KIF24: variants seen among roughly 807,000 people sequenced by gnomAD.
KIF24 encodes kinesin-like protein KIF24.
Under a neutral mutation model 118.9 loss-of-function variants are expected in KIF24, and 81 were observed. The observed-to-expected ratio is 0.68, with a 90% confidence interval of 0.57 to 0.82. KIF24 has a LOEUF of 0.82. Ranked by LOEUF, KIF24 falls within the 40% of genes least tolerant of loss-of-function variation. The pLI is 0.00. For synonymous variants in KIF24, 599 were observed against 610.0 expected, an observed-to-expected ratio of 0.98 and a Z score of 0.27; for missense variants, 1,560 against 1,661.6, an observed-to-expected ratio of 0.94 and a Z score of 1.06.
chr9:34,324,537 C>T (rs1391752483), intron 1 of KIF24, among the ~76,000 whole-genome samples: 12 of 152,208 alleles, frequency 7.9e-5, no homozygotes. Flanking sequence ...TTACACGTCT[C>T]ATACCTGTTC....
At chr9:34,307,241 T>C (rs1836960158) in intron 2 of KIF24, among the ~76,000 whole-genome samples, 1 of 152,122 alleles carries the variant, frequency 6.6e-6, no homozygotes, top group Non-Finnish European at 1.5e-5. Context: ...ATTTTTGTAA[T>C]TTTTGTAGGG....
At chr9:34,313,049 T>C (rs1163685007) in intron 1 of KIF24, among the ~76,000 whole-genome samples, 2 of 152,232 alleles carry the variant, frequency 1.3e-5, no homozygotes, top group African/African-American at 2.4e-5. Context: ...CAAAAATTTT[T>C]TGCAGGTCCT....
chr9:34,270,502 C>CGA (rs1217371928), intron 7 of KIF24, among the ~76,000 whole-genome samples: 3 of 138,236 alleles, frequency 2.2e-5, no homozygotes, highest in Non-Finnish European at 1.5e-5. Flanking sequence ...GGCAATAGAG[C>CGA]GAGACTCCGT....
rs562092343 is a variant in KIF24 at position 34,297,358 on chromosome 9, G to T, written c.814-244C>A. 5.9e-5 allele frequency among the ~76,000 whole-genome samples: 9 copies of T among 152,338 alleles called. No individual in the cohort carries two copies. In the South Asian group the frequency reaches 1.9e-3, roughly 32 times the overall value. On this transcript the variant is annotated intron_variant, in intron 3 of 12. Coordinates refer to ENST00000402558, the MANE Select transcript of KIF24 (RefSeq NM_194313.4). ...CATTTTTTGTTTTCTCTTAAGAGAA[G>T]TAAATTGATAAACACAAGAGTGAGT...
Position 34,286,844 on chromosome 9 carries a change from A to AC in KIF24, c.1128-141dup. 4.7e-6 allele frequency: 3 copies of AC among 638,658 alleles called. No homozygotes were observed. The South Asian group carries it at 5.5e-5, about 12-fold the overall frequency. 39.6% of individuals were successfully genotyped at this position (638,658 alleles called of 1,614,324 possible). On this transcript the variant is annotated intron_variant, in intron 5 of 12. Coordinates refer to ENST00000402558, the MANE Select transcript of KIF24 (RefSeq NM_194313.4). ...GGGATGGATGCTTATCCTCCTCCCA[A>AC]CCCCACCCTCCTGACCTCAGCCCGA...
chr9:34,262,373 C>A (rs1405547655), intron 9 of KIF24, among the ~76,000 whole-genome samples: 1 of 152,016 alleles, frequency 6.6e-6, no homozygotes, highest in Non-Finnish European at 1.5e-5. Context: ...CTGAGTATCC[C>A]TTCTCCGAAA....
At chr9:34,313,505 A>C (rs1587968958) in intron 1 of KIF24, among the ~76,000 whole-genome samples, 1 of 115,328 alleles carries the variant, frequency 8.7e-6, no homozygotes, top group Admixed American at 9.1e-5. Flanking sequence ...TATTATTATT[A>C]TTTTTAGAGA....
At chr9:34,314,722 C>T (rs1397987368) in intron 1 of KIF24, among the ~76,000 whole-genome samples, 2 of 152,106 alleles carry the variant, frequency 1.3e-5, no homozygotes, top group Non-Finnish European at 2.9e-5. Context: ...TACAAAATGA[C>T]GTTAACTATA....
At chr9:34,271,236 T>C (rs981155142) in intron 7 of KIF24, among the ~76,000 whole-genome samples, 1 of 151,094 alleles carries the variant, frequency 6.6e-6, no homozygotes, top group Admixed American at 6.6e-5. Flanking sequence ...AATAAAACAT[T>C]CTTCCCAAAA....
rs980374453 is a variant in KIF24, at chr9:34,252,715, G to GTCTT, written c.*1661_*1664dup. The GTCTT allele has an allele frequency of 3.5e-4, 54 of 152,292 alleles. No homozygotes were observed. The highest frequency in any genetic ancestry group is 1.2e-3 in the African/African-American group (51 of 41,550). 9.4% of individuals were successfully genotyped at this position (152,292 alleles called of 1,614,324 possible). ...GTTTGCAAAGGCAAGCCTAGACTGA[G>GTCTT]TCTTTTAAACCTGGCCCAGCTCCGT... On this transcript the variant is annotated 3_prime_UTR_variant, in exon 13 of 13. Transcript: ENST00000402558.
In KIF24 at chr9:34,255,739, C is replaced by T; in HGVS notation, c.3868G>A (p.Ala1290Thr). The change falls in exon 11 of 13, where the codon GCG becomes ACG. Residue 1290 changes from alanine (A) to threonine (T), a missense_variant. This residue lies in a region of KIF24 where 591 missense variants were observed against 655.6 expected (regional missense o/e 0.90). Coordinates refer to ENST00000402558, the MANE Select transcript of KIF24 (RefSeq NM_194313.4). ...TAGGGAAAGTGTCCAACTTACTGCG[C>T]TTGCTCCAGGGTGGGCTGACGGAGT... is the stretch of plus-strand genomic sequence containing the variant. ...GTLRQPTLEQ[A>T]QQVVIRAHQE... is the part of the protein sequence containing the mutation. 1 of 1,608,480 alleles carries T rather than the reference C, an allele frequency of 6.2e-7. No homozygotes were observed. Among genetic ancestry groups the T allele is most frequent in the East Asian group, 2.2e-5 (1 of 44,820 alleles).
Position 34,278,881 on chromosome 9 carries a change from C to T in KIF24, c.1216-6951G>A, listed in dbSNP as rs145214016. Among the ~76,000 whole-genome samples, 30 of 152,288 alleles carry T rather than the reference C, an allele frequency of 2.0e-4. No individual in the cohort carries two copies. In the East Asian group the frequency reaches 5.8e-3, roughly 29 times the overall value. ...CCTGTAATCCCAGCACTTTGGGAGG[C>T]TGAGATAGAGGATCACTTGAGCCCA... On this transcript the variant is annotated intron_variant, in intron 6 of 12. Transcript: ENST00000402558.
rs146882840 is a variant in KIF24 at position 34,254,386 on chromosome 9, C to A, written c.4101G>T (p.Pro1367=). ...CTCGGCACAGGGTCTGGCTCTAAGACGGCACTGTTCCCTCAGGGGCTGCGG... is the reference window on the plus strand; with the variant it reads ...CTCGGCACAGGGTCTGGCTCTAAGAAGGCACTGTTCCCTCAGGGGCTGCGG... ...GPTAAPEGTV[P]S Residue 1367 remains proline, a synonymous_variant, in exon 13 of 13, where the codon CCG becomes CCT. Coordinates refer to ENST00000402558, the MANE Select transcript of KIF24 (RefSeq NM_194313.4). The A allele has an allele frequency of 1.9e-6, 3 of 1,612,742 alleles. No individual in the cohort carries two copies. The South Asian group carries it at 3.3e-5, about 18-fold the overall frequency.
Position 34,306,326 on chromosome 9 carries a change from T to A in KIF24, c.739A>T (p.Thr247Ser). Residue 247 changes from threonine (T) to serine (S), a missense_variant, in exon 3 of 13, where the codon ACT becomes TCT. Physicochemically the swap from Thr to Ser is moderately conservative, Grantham distance 58. Around this residue, in one of 3 missense-constraint regions of KIF24, gnomAD observed 964 missense variants for 988.0 expected, o/e 0.98. Transcript: ENST00000402558. ...EVRRGEINII[T>S]VEDKETLLVH... is the part of the protein sequence containing the mutation. Reference sequence around the variant, plus strand: ...AGTAGAGTTTCTTTGTCTTCTACAGTAATAATATTAATTTCTCCACGACGT... The same window carrying A: ...AGTAGAGTTTCTTTGTCTTCTACAGAAATAATATTAATTTCTCCACGACGT... 4 of 1,609,606 alleles carry A rather than the reference T, an allele frequency of 2.5e-6. No homozygotes were observed. The highest frequency in any genetic ancestry group is 2.6e-6 in the Non-Finnish European group (3 of 1,176,016).
rs1030067608 is a variant in KIF24 at position 34,253,750 on chromosome 9, T to C, written c.*630A>G. 1 of 152,214 alleles carries C rather than the reference T, an allele frequency of 6.6e-6. No homozygotes were observed. Among genetic ancestry groups the C allele is most frequent in the Non-Finnish European group, 1.5e-5 (1 of 68,042 alleles). 9.4% of individuals were successfully genotyped at this position (152,214 alleles called of 1,614,324 possible). ...CAGGAAGGGAAGGGAGCTGTAAATA[T>C]AAGGCCTGTCTCACATCTGCTGCTG... On this transcript the variant is annotated 3_prime_UTR_variant, in exon 13 of 13. Transcript: ENST00000402558.
At position 34,318,604 on chromosome 9, in the gene KIF24, C is replaced by T. The variant is rs919084125; in HGVS notation, c.-25-7233G>A. Reference sequence around the variant, plus strand: ...CCAAGGACCAGGCGGTGGAGAACATCCTGGTGTCGCCCGTGGTGGTGGCCT... The same window carrying T: ...CCAAGGACCAGGCGGTGGAGAACATTCTGGTGTCGCCCGTGGTGGTGGCCT... On this transcript the variant is annotated intron_variant, in intron 1 of 12. Transcript: ENST00000402558. This position sits in a 1 kb window ranked among gnomAD's most constrained non-coding sequence, Gnocchi z 4.9. 2.1e-5 allele frequency: 31 copies of T among 1,465,356 alleles called. No homozygotes were observed. The highest frequency in any genetic ancestry group is 4.6e-4 in the Middle Eastern group (2 of 4,312). 90.8% of individuals were successfully genotyped at this position (1,465,356 alleles called of 1,614,324 possible). A position where few individuals can be genotyped will look rare whatever the true frequency, so the allele number is the denominator to read the frequency against.
chr9:34,297,272 G>C (rs1393279892), intron 3 of KIF24, among the ~76,000 whole-genome samples, 158 bp from the exon 4 acceptor site: 1 of 152,108 alleles, frequency 6.6e-6, no homozygotes, highest in Non-Finnish European at 1.5e-5. Flanking sequence ...TTAAATGACA[G>C]GGCCTCCTCT....
chr9:34,313,428 C>T (rs910044747), intron 1 of KIF24, among the ~76,000 whole-genome samples: 2 of 152,140 alleles, frequency 1.3e-5, no homozygotes, highest in African/African-American at 4.8e-5. Flanking sequence ...CAGTAGATAA[C>T]TGCAATATCT....
chr9:34,314,805 T>C (rs1837282874), intron 1 of KIF24, among the ~76,000 whole-genome samples: 1 of 152,178 alleles, frequency 6.6e-6, no homozygotes. Context: ...ATTATGATAG[T>C]CCATTTAATG....
Sources: gnomAD v4.1 joint callset for allele counts (sites outside exome capture counted in the v4.1 genomes callset) on GRCh38, gnomAD v4.1.1 for gene constraint, gnomAD v4.1.1 regional missense constraint, Gnocchi (gnomAD v3.1) non-coding constraint, MANE v1.5 for transcripts, NCBI Gene and HGNC (gene_info 2026-07-23, HGNC 2026-07-21) for gene names.